COPE: variants seen among roughly 807,000 people sequenced by gnomAD.
COPE encodes the protein coat protein complex I subunit epsilon, also known as coatomer subunit epsilon.
A neutral mutation model predicts 42.1 loss-of-function variants in COPE; 19 were observed. The observed-to-expected ratio is 0.45, with a 90% confidence interval of 0.31 to 0.66. The LOEUF (loss-of-function observed/expected upper bound fraction) is 0.66. COPE is among the 30% of genes least tolerant of loss of function. The pLI is 0.05. For synonymous variants in COPE, 195 were observed against 181.3 expected, an observed-to-expected ratio of 1.08 and a Z score of -0.60; for missense variants, 402 against 416.1, an observed-to-expected ratio of 0.97 and a Z score of 0.30.
At chr19:18,903,515 T>G in intron 6 of COPE, 92 bp from the exon 7 acceptor site, 1 of 1,411,966 alleles carries the variant, frequency 7.1e-7, no homozygotes, top group Non-Finnish European at 9.4e-7. Context: ...ACTCCAGCAC[T>G]GCACAGAGAC....
At position 18,919,140 on chromosome 19, in the gene COPE, T is replaced by TA; in HGVS notation, c.126+82dup. 9 of 1,475,630 alleles carry TA rather than the reference T, an allele frequency of 6.1e-6. No homozygotes were observed. In the South Asian group the frequency reaches 1.1e-4, roughly 17 times the overall value. 91.4% of individuals were successfully genotyped at this position (1,475,630 alleles called of 1,614,324 possible). A position where few individuals can be genotyped will look rare whatever the true frequency, so the allele number is the denominator to read the frequency against. On this transcript the variant is annotated intron_variant, in intron 1 of 9. Coordinates refer to ENST00000262812, the MANE Select transcript of COPE (RefSeq NM_007263.4). The stretch of plus-strand genomic sequence containing the variant: ...ACGCGAGAAGAAAAGAGAAAGTTTT[T>TA]AGACGCAGAACGCGGCTCGCGGCCA...
intron 1 of COPE, among the ~76,000 whole-genome samples, chr19:18,918,792 AGAATGAAT>A (rs893007484): frequency 1.3e-5 from 2 of 152,360 alleles, no homozygotes; most frequent in Non-Finnish European, 2.9e-5. Context: ...TGCTCAATGA[AGAATGAAT>A]GAATGAATGG....
Position 18,905,916 on chromosome 19 carries a change from C to A in COPE, c.444-287G>T, listed in dbSNP as rs2056754842. ...ATGGGCTGTGCTTCCAGATGGAGGG[C>A]CCTGCCCGGACTCGACACCCTGGAG... is the stretch of plus-strand genomic sequence containing the variant. On this transcript the variant is annotated intron_variant, in intron 4 of 9. Coordinates refer to ENST00000262812, the MANE Select transcript of COPE (RefSeq NM_007263.4). 7.5e-6 allele frequency: 4 copies of A among 529,872 alleles called. No individual in the cohort carries two copies. In the South Asian group the frequency reaches 8.0e-5, roughly 11 times the overall value. 32.8% of individuals were successfully genotyped at this position (529,872 alleles called of 1,614,324 possible).
intron 6 of COPE, among the ~76,000 whole-genome samples, chr19:18,904,193 A>G (rs1238931393): frequency 2.0e-5 from 3 of 152,194 alleles, no homozygotes; most frequent in African/African-American, 7.2e-5. Flanking sequence ...TAGAACTCCC[A>G]ACCTCACATG....
At chr19:18,917,730 CAG>C (rs1226775040) in intron 1 of COPE, among the ~76,000 whole-genome samples, 1 of 152,072 alleles carries the variant, frequency 6.6e-6, no homozygotes, top group Non-Finnish European at 1.5e-5. Context: ...ACAGCTCGGA[CAG>C]AGAGAGAGTG....
chr19:18,919,066 C>T (rs780222844), intron 1 of COPE, among the ~76,000 whole-genome samples, 157 bp downstream of exon 1: 3 of 152,260 alleles, frequency 2.0e-5, no homozygotes, highest in Non-Finnish European at 4.4e-5. Context: ...GGTTCTGTCA[C>T]GGGACAGTGA....
At chr19:18,900,229 T>G (rs2056684533) in intron 8 of COPE, 152 bp downstream of exon 8, 1 of 665,960 alleles carries the variant, frequency 1.5e-6, no homozygotes, top group East Asian at 2.8e-5. Flanking sequence ...GAGGATGGGT[T>G]GGGGGGCACA....
At chr19:18,910,835 G>A in intron 3 of COPE, 136 bp downstream of exon 3, 3 of 700,318 alleles carry the variant, frequency 4.3e-6, no homozygotes, top group Non-Finnish European at 7.4e-6. Flanking sequence ...AAAGCAGCAG[G>A]GGAGCAGAGG....
chr19:18,905,100 G>A (rs923863310), intron 5 of COPE, among the ~76,000 whole-genome samples: 6 of 152,170 alleles, frequency 3.9e-5, no homozygotes, highest in African/African-American at 1.2e-4. Context: ...TAGAGCTCAG[G>A]AGAGACTCAC....
intron 3 of COPE, among the ~76,000 whole-genome samples, chr19:18,908,146 A>G (rs1000142790): frequency 2.6e-5 from 4 of 152,156 alleles, no homozygotes; most frequent in South Asian, 2.1e-4. Flanking sequence ...ACAATTACCA[A>G]TGGGGCCGGG....
intron 5 of COPE, 61 bp from the exon 6 acceptor site, chr19:18,904,913 T>C: frequency 6.6e-7 from 1 of 1,507,632 alleles, no homozygotes; most frequent in Non-Finnish European, 9.0e-7. Flanking sequence ...TGGCCATCCC[T>C]GCCTTGTCCC....
At chr19:18,911,140 G>A in intron 2 of COPE, 69 bp from the exon 3 acceptor site, 1 of 1,433,996 alleles carries the variant, frequency 7.0e-7, no homozygotes, top group South Asian at 1.1e-5. Context: ...CAGCTTGGCA[G>A]GGAGAGCCCC....
chr19:18,901,640 G>A (rs1203244555), intron 7 of COPE, among the ~76,000 whole-genome samples: 1 of 152,230 alleles, frequency 6.6e-6, no homozygotes, highest in Non-Finnish European at 1.5e-5. Context: ...GATTAAAACT[G>A]TTTCTCAGCT....
chr19:18,906,869 G>A, intron 4 of COPE, 91 bp downstream of exon 4: 1 of 1,401,492 alleles, frequency 7.1e-7, no homozygotes, highest in African/African-American at 1.4e-5. Flanking sequence ...CTGCTCCCAT[G>A]ACGACAGCCA....
intron 5 of COPE, 65 bp downstream of exon 5, chr19:18,905,511 A>AC: frequency 6.8e-7 from 1 of 1,470,750 alleles, no homozygotes; most frequent in African/African-American, 1.4e-5. Flanking sequence ...CTGGGCTGTG[A>AC]CGCTCTGGGC....
chr19:18,905,695 C>G, intron 4 of COPE, 66 bp from the exon 5 acceptor site: 6 of 1,481,708 alleles, frequency 4.0e-6, no homozygotes, highest in Non-Finnish European at 5.5e-6. Flanking sequence ...CGCTCCACAC[C>G]CAGGGCTCAC....
chr19:18,912,585 C>A (rs746503966), intron 2 of COPE, among the ~76,000 whole-genome samples: 2 of 151,988 alleles, frequency 1.3e-5, no homozygotes, highest in Non-Finnish European at 2.9e-5. Context: ...GGTGAAACCA[C>A]GTGTTTATTA....
chr19:18,918,245 A>T (rs2056876012), intron 1 of COPE, among the ~76,000 whole-genome samples: 1 of 151,868 alleles, frequency 6.6e-6, no homozygotes, highest in Non-Finnish European at 1.5e-5. Context: ...ATGGGAACAG[A>T]CACACAACTC....
intron 3 of COPE, 82 bp from the exon 4 acceptor site, chr19:18,907,194 A>G (rs1270899119): frequency 2.7e-6 from 4 of 1,473,514 alleles, no homozygotes; most frequent in Non-Finnish European, 3.6e-6. Flanking sequence ...GGAAGCAGAC[A>G]GGTCCAGAGA....
Sources: allele counts gnomAD v4.1 joint callset (sites outside exome capture counted in the v4.1 genomes callset), GRCh38; gene constraint gnomAD v4.1.1; transcripts MANE v1.5; gene names NCBI Gene and HGNC (gene_info 2026-07-23, HGNC 2026-07-21).